DACT3: variants seen among roughly 807,000 people sequenced by gnomAD.
The protein encoded by DACT3 is dapper homolog 3.
Under a neutral mutation model 19.6 loss-of-function variants are expected in DACT3, and 5 were observed. That is an observed-to-expected ratio of 0.26 (90% CI 0.13 to 0.54). DACT3 has a LOEUF of 0.54. DACT3 is among the 20% of genes least tolerant of loss of function. The pLI, the probability that DACT3 is intolerant of heterozygous loss-of-function variation, is 0.95. For synonymous variants in DACT3, 454 were observed against 428.1 expected (o/e 1.06, Z -0.75); for missense variants, 908 against 927.4 (o/e 0.98, Z 0.27).
At chr19:46,650,080 C>CCTGCCT (rs1161679751) in intron 3 of DACT3, 9 of 410,388 alleles carry the variant, frequency 2.2e-5, no homozygotes, top group Admixed American at 4.7e-5. Flanking sequence ...CGTGACTTGT[C>CCTGCCT]CTGCCTCTGC....
Position 46,654,537 on chromosome 19 carries a change from C to T in DACT3, c.250-1462G>A, listed in dbSNP as rs376653117. ...AAATTTCCATGAGTCTACCCTGGAT[C>T]CTTCTTGCTGCAGGAAAAGAGCACT... On this transcript the variant is annotated intron_variant, in intron 1 of 3. Coordinates refer to ENST00000391916, the MANE Select transcript of DACT3 (RefSeq NM_145056.3). The T allele has an allele frequency of 1.1e-5, 11 of 982,544 alleles. No individual in the cohort carries two copies. In the African/African-American group the frequency reaches 1.9e-4, roughly 17 times the overall value. 60.9% of individuals were successfully genotyped at this position (982,544 alleles called of 1,614,324 possible).
chr19:46,653,614 C>T (rs950398689), intron 1 of DACT3, among the ~76,000 whole-genome samples: 11 of 151,176 alleles, frequency 7.3e-5, no homozygotes, highest in South Asian at 2.1e-4. Context: ...AGGGCAGTGG[C>T]GTGATCCCAG....
At position 46,648,440 on chromosome 19, in the gene DACT3, G is replaced by C; in HGVS notation, c.*42C>G. ...AGGGTCAGTGGTTGGGAGTGTGGAGGTGCAGAGGCCATGAAGGGGGAGCCC... is the reference window on the plus strand; with the variant it reads ...AGGGTCAGTGGTTGGGAGTGTGGAGCTGCAGAGGCCATGAAGGGGGAGCCC... On this transcript the variant is annotated 3_prime_UTR_variant, in exon 4 of 4. Coordinates refer to ENST00000391916, the MANE Select transcript of DACT3 (RefSeq NM_145056.3). This position sits in a 1 kb window ranked among gnomAD's most constrained non-coding sequence, Gnocchi z 5.1. 6.2e-7 allele frequency: 1 copy of C among 1,613,374 alleles called. No homozygotes were observed. The highest frequency in any genetic ancestry group is 1.1e-5 in the South Asian group (1 of 90,850).
rs2052996708 is a variant in DACT3 at position 46,652,634 on chromosome 19, CAGGGCCCCACCCT to C, written c.499+13_499+25del. The C allele has an allele frequency of 6.5e-7, 1 of 1,548,050 alleles. No homozygotes were observed. Among genetic ancestry groups the C allele is most frequent in the Non-Finnish European group, 8.7e-7 (1 of 1,146,364 alleles). On this transcript the variant is annotated intron_variant, in intron 3 of 3. Transcript: ENST00000391916. ...CCTCCTACTGTCCTTTCCCTGGCCC[CAGGGCCCCACCCT>C]CACCCACCTTACCTAGGGACTTGGG...
At chr19:46,654,358 C>T (rs1449917400) in intron 1 of DACT3, 3 of 530,528 alleles carry the variant, frequency 5.7e-6, no homozygotes, top group African/African-American at 2.1e-5. Flanking sequence ...TGGTGGTTTG[C>T]GCCTGTAGTC....
chr19:46,661,074 C>G lies in DACT3; in HGVS notation c.-10G>C. ...AGAAGGCCCGGATCATGGCTGCGGC[C>G]CCCCGCCCCAGCCCGGCCGGGCCCC... On this transcript the variant is annotated 5_prime_UTR_variant, in exon 1 of 4. Transcript: ENST00000391916. 2 of 1,444,278 alleles carry G rather than the reference C, an allele frequency of 1.4e-6. No homozygotes were observed. The highest frequency in any genetic ancestry group is 2.7e-5 in the South Asian group (2 of 72,806). 89.5% of individuals were successfully genotyped at this position (1,444,278 alleles called of 1,614,324 possible). A position where few individuals can be genotyped will look rare whatever the true frequency, so the allele number is the denominator to read the frequency against.
At position 46,647,598 on chromosome 19, in the gene DACT3, G is replaced by A. The variant is rs2052931233; in HGVS notation, c.*884C>T. The A allele has an allele frequency of 6.6e-6, 1 of 152,544 alleles. No homozygotes were observed. The highest frequency in any genetic ancestry group is 2.1e-4 in the South Asian group (1 of 4,836). 9.4% of individuals were successfully genotyped at this position (152,544 alleles called of 1,614,324 possible). ...CATTTCTCCCATTTAATCATTCAGT[G>A]AGAGTCCACCACATATGTTACACTG... is the stretch of plus-strand genomic sequence containing the variant. On this transcript the variant is annotated 3_prime_UTR_variant, in exon 4 of 4. Coordinates refer to ENST00000391916, the MANE Select transcript of DACT3 (RefSeq NM_145056.3).
Position 46,649,290 on chromosome 19 carries a change from G to A in DACT3, c.1082C>T (p.Pro361Leu). ...EGRLVKAQYIPGAQAATRGLP... is the reference protein window; with the variant it reads ...EGRLVKAQYILGAQAATRGLP... ...GCCTCGGGTGGCCGCCTGCGCGCCC[G>A]GGATGTACTGCGCCTTCACCAAGCG... is the stretch of plus-strand genomic sequence containing the variant. Residue 361 changes from proline (P) to leucine (L), a missense_variant, in exon 4 of 4, where the codon CCG becomes CTG. Pro to Leu is a moderately conservative substitution (Grantham distance 98, BLOSUM62 -3). Coordinates refer to ENST00000391916, the MANE Select transcript of DACT3 (RefSeq NM_145056.3). The A allele has an allele frequency of 1.6e-6, 2 of 1,221,796 alleles. No homozygotes were observed. The highest frequency in any genetic ancestry group is 1.0e-6 in the Non-Finnish European group (1 of 980,536). 75.7% of individuals were successfully genotyped at this position (1,221,796 alleles called of 1,614,324 possible).
chr19:46,652,708 G>T lies in DACT3; in HGVS notation c.451C>A (p.Pro151Thr), dbSNP rs776971623. Residue 151 changes from proline (P) to threonine (T), a missense_variant, in exon 3 of 4, where the codon CCC (proline) becomes ACC (threonine). By Grantham distance (38) the Pro-to-Thr change is conservative. Around this residue, in one of 2 missense-constraint regions of DACT3, gnomAD observed 252 missense variants for 325.6 expected, o/e 0.77. Coordinates refer to ENST00000391916, the MANE Select transcript of DACT3 (RefSeq NM_145056.3). Reference protein sequence around the residue: ...SGSSSYGRLGPSEPRGIYASE... With the variant: ...SGSSSYGRLGTSEPRGIYASE... ...GCATAGATGCCCCGGGGCTCAGAGG[G>T]ACCCAGGCGACCATAGGAGCTGGAT... 6.4e-7 allele frequency: 1 copy of T among 1,551,544 alleles called. No individual in the cohort carries two copies. The highest frequency in any genetic ancestry group is 2.0e-5 in the Admixed American group (1 of 50,994).
chr19:46,648,290 G>C lies in DACT3; in HGVS notation c.*192C>G, dbSNP rs1373205294. On this transcript the variant is annotated 3_prime_UTR_variant, in exon 4 of 4. Transcript: ENST00000391916. The surrounding 1 kb of genome is among the most constrained non-coding windows in gnomAD (Gnocchi z 5.1). ...CTAGAAGCTGAACTGGGTCAAACAG[G>C]GCTCCTCCCCATTCCTCTCGGTGGT... is the stretch of plus-strand genomic sequence containing the variant. The C allele has an allele frequency of 1.1e-6, 1 of 931,194 alleles. No individual in the cohort carries two copies. The highest frequency in any genetic ancestry group is 1.6e-6 in the Non-Finnish European group (1 of 627,182). 57.7% of individuals were successfully genotyped at this position (931,194 alleles called of 1,614,324 possible). A position where few individuals can be genotyped will look rare whatever the true frequency, so the allele number is the denominator to read the frequency against.
rs2052952588 is a variant in DACT3 at position 46,649,185 on chromosome 19, C to T, written c.1187G>A (p.Arg396His). 1.7e-6 allele frequency: 2 copies of T among 1,211,700 alleles called. No homozygotes were observed. Among genetic ancestry groups the T allele is most frequent in the Admixed American group, 4.5e-5 (1 of 22,102 alleles). 75.1% of individuals were successfully genotyped at this position (1,211,700 alleles called of 1,614,324 possible). ...RSVEQSPPRE[R>H]PRAAGRRGRM... ...TCCACGGCGGCCGGCGGCCCGGGGA[C>T]GCTCCCGGGGTGGTGACTGCTCCAC... Residue 396 changes from arginine to histidine, a missense_variant, in exon 4 of 4, where the codon CGT becomes CAT. Arg to His is a conservative substitution (Grantham distance 29). Coordinates refer to ENST00000391916, the MANE Select transcript of DACT3 (RefSeq NM_145056.3).
intron 1 of DACT3, chr19:46,659,308 G>GAC: frequency 1.0e-6 from 1 of 962,868 alleles, no homozygotes; most frequent in South Asian, 4.8e-5. Context: ...GGGAGGAGGG[G>GAC]ACAGAGGGAC....
Position 46,648,392 on chromosome 19 carries a change from G to T in DACT3, c.*90C>A. 1 of 1,586,932 alleles carries T rather than the reference G, an allele frequency of 6.3e-7. No homozygotes were observed. Among genetic ancestry groups the T allele is most frequent in the Non-Finnish European group, 8.6e-7 (1 of 1,164,972 alleles). On this transcript the variant is annotated 3_prime_UTR_variant, in exon 4 of 4. Transcript: ENST00000391916. The surrounding 1 kb of genome is among the most constrained non-coding windows in gnomAD (Gnocchi z 5.1). ...GGTCTTTGGAAGCAGAGAAAACGATGGTCTTTGGAAGGTAGATGTGGAAGG... is the reference window on the plus strand; with the variant it reads ...GGTCTTTGGAAGCAGAGAAAACGATTGTCTTTGGAAGGTAGATGTGGAAGG...
At chr19:46,654,527 T>A in intron 1 of DACT3, 1 of 949,798 alleles carries the variant, frequency 1.1e-6, no homozygotes. Flanking sequence ...TCCATGAGTC[T>A]ACCCTGGATC....
chr19:46,653,063 C>A lies in DACT3; in HGVS notation c.262G>T (p.Gly88Cys). Residue 88 changes from glycine (G) to cysteine (C), a missense_variant, in exon 2 of 4, where the codon GGT becomes TGT. Coordinates refer to ENST00000391916, the MANE Select transcript of DACT3 (RefSeq NM_145056.3). ...TGCTGTCCCAGGTCCCAGACGAGAC[C>A]AGGCAGGGCCTCCTGAAGGCATAGG... ...ALEEQLEALP[G>C]LVWDLGQQLG... 1 of 1,551,378 alleles carries A rather than the reference C, an allele frequency of 6.4e-7. No individual in the cohort carries two copies. Among genetic ancestry groups the A allele is most frequent in the Non-Finnish European group, 8.7e-7 (1 of 1,146,988 alleles).
rs2053067755 is a variant in DACT3, at chr19:46,660,601, C to T, written c.249+215G>A. Among the ~76,000 whole-genome samples the T allele has an allele frequency of 6.6e-6, 1 of 152,144 alleles. No individual in the cohort carries two copies. Among genetic ancestry groups the T allele is most frequent in the African/African-American group, 2.4e-5 (1 of 41,446 alleles). On this transcript the variant is annotated intron_variant, in intron 1 of 3. Transcript: ENST00000391916. This position sits in a 1 kb window ranked among gnomAD's most constrained non-coding sequence, Gnocchi z 4.9. ...AGGGCCTGTGTTTCTCACGAGGCCC[C>T]AGTGGGGGCGATGCAGTTCCCCCTC...
Position 46,661,160 on chromosome 19 carries a change from G to T in DACT3, c.-96C>A. On this transcript the variant is annotated 5_prime_UTR_variant, in exon 1 of 4. Transcript: ENST00000391916. ...CAGCAGCCTGCCCGCCCGCCCGCTGGCCGGGCTGTCACCGTCTCATCTGCA... is the reference window on the plus strand; with the variant it reads ...CAGCAGCCTGCCCGCCCGCCCGCTGTCCGGGCTGTCACCGTCTCATCTGCA... The T allele has an allele frequency of 7.9e-7, 1 of 1,267,048 alleles. No individual in the cohort carries two copies. The highest frequency in any genetic ancestry group is 1.0e-6 in the Non-Finnish European group (1 of 991,280). 78.5% of individuals were successfully genotyped at this position (1,267,048 alleles called of 1,614,324 possible). A position where few individuals can be genotyped will look rare whatever the true frequency, so the allele number is the denominator to read the frequency against.
At position 46,648,565 on chromosome 19, in the gene DACT3, C is replaced by A. The variant is rs780186917; in HGVS notation, c.1807G>T (p.Val603Leu). Residue 603 changes from valine (V) to leucine (L), a missense_variant, in exon 4 of 4, where the codon GTG (valine) becomes TTG (leucine). Around this residue, in one of 2 missense-constraint regions of DACT3, gnomAD observed 656 missense variants for 601.8 expected, o/e 1.09. Coordinates refer to ENST00000391916, the MANE Select transcript of DACT3 (RefSeq NM_145056.3). This position sits in a 1 kb window ranked among gnomAD's most constrained non-coding sequence, Gnocchi z 5.1. ...AGCGCGTGGGAAGCTTTGATTTTCA[C>A]GAAGACTTTGGCGGGGCCTGCGGGC... Reference protein sequence around the residue: ...GAPAGPAKVFVKIKASHALKK... With the variant: ...GAPAGPAKVFLKIKASHALKK... 9.9e-6 allele frequency: 16 copies of A among 1,613,912 alleles called. No homozygotes were observed. Among genetic ancestry groups the A allele is most frequent in the Non-Finnish European group, 1.2e-5 (14 of 1,179,846 alleles).
In DACT3 at chr19:46,648,902, C is replaced by T; in HGVS notation, c.1470G>A (p.Val490=). ...AEIDAADGRR[V]RPRAPAARVP... ...CACGCGCCGCAGGGGCTCGGGGCCG[C>T]ACGCGGCGCCCATCGGCAGCGTCGA... The change falls in exon 4 of 4, where the codon GTG becomes GTA. Residue 490 remains valine (V), a synonymous_variant. Coordinates refer to ENST00000391916, the MANE Select transcript of DACT3 (RefSeq NM_145056.3). The surrounding 1 kb of genome is among the most constrained non-coding windows in gnomAD (Gnocchi z 5.1). 1 of 1,362,910 alleles carries T rather than the reference C, an allele frequency of 7.3e-7. No homozygotes were observed. The highest frequency in any genetic ancestry group is 9.4e-7 in the Non-Finnish European group (1 of 1,066,200). The allele number at this position is 1,362,910 out of a possible 1,614,324, so 84.4% of individuals were successfully genotyped here.
Sources: gnomAD v4.1 joint callset for allele counts (sites outside exome capture counted in the v4.1 genomes callset) on GRCh38, gnomAD v4.1.1 for gene constraint, gnomAD v4.1.1 regional missense constraint, Gnocchi (gnomAD v3.1) non-coding constraint, MANE v1.5 for transcripts, NCBI Gene and HGNC (gene_info 2026-07-23, HGNC 2026-07-21) for gene names.